The following EXOC2 variants were observed in gnomAD, a reference collection of about 807,000 sequenced individuals.
EXOC2 encodes SEC5-like 1.
In EXOC2, 70 loss-of-function variants were observed where a neutral mutation model predicts 131.8. The ratio of observed to expected loss-of-function variants is 0.53; its 90% CI spans 0.44 to 0.65. The LOEUF (loss-of-function observed/expected upper bound fraction) is 0.65. Ranked by LOEUF, EXOC2 falls within the 30% of genes least tolerant of loss-of-function variation. The pLI is 0.00. For missense variants in EXOC2, 923 were observed against 1,108.6 expected (o/e 0.83, Z 2.38); for synonymous variants, 411 against 398.4 (o/e 1.03, Z -0.38).
intron 4 of EXOC2, among the ~76,000 whole-genome samples, chr6:628,448 G>C (rs564524437): frequency 6.6e-6 from 1 of 152,222 alleles, no homozygotes; most frequent in African/African-American, 2.4e-5. Context: ...GAATAATAAA[G>C]AGATTCAAAG....
At chr6:531,090 C>A (rs942450435) in intron 23 of EXOC2, among the ~76,000 whole-genome samples, 5 of 152,138 alleles carry the variant, frequency 3.3e-5, no homozygotes, top group Non-Finnish European at 5.9e-5. Flanking sequence ...TGGGGTTAGC[C>A]TCAGGGAGAA....
In EXOC2 at chr6:583,477, T is replaced by C. The variant is rs34705619; in HGVS notation, c.1193-6595A>G. ...TCATTGTAAGGTGAATAGAATCTATTACAAAACAGGAGACACAAAAAAAAG... is the reference window on the plus strand; with the variant it reads ...TCATTGTAAGGTGAATAGAATCTATCACAAAACAGGAGACACAAAAAAAAG... On this transcript the variant is annotated intron_variant, in intron 11 of 27. Transcript: ENST00000230449. Among the ~76,000 whole-genome samples, 174 of 151,992 alleles carry C rather than the reference T, an allele frequency of 1.1e-3. 1 individual carries two copies. The highest frequency in any genetic ancestry group is 2.2e-3 in the Non-Finnish European group (150 of 68,012).
At chr6:513,259 AC>A (rs1162962672) in intron 23 of EXOC2, among the ~76,000 whole-genome samples, 1 of 152,254 alleles carries the variant, frequency 6.6e-6, no homozygotes, top group Admixed American at 6.5e-5. Context: ...CGGCGTGGTC[AC>A]CCACGGTTTA....
At chr6:574,628 G>A (rs1187337671) in intron 12 of EXOC2, among the ~76,000 whole-genome samples, 1 of 152,154 alleles carries the variant, frequency 6.6e-6, no homozygotes, top group Non-Finnish European at 1.5e-5. Context: ...TGAAAGGAAC[G>A]GTTCTTTACT....
At position 489,022 on chromosome 6, in the gene EXOC2, C is replaced by A. The variant is rs759824382; in HGVS notation, c.2638G>T (p.Ala880Ser). 6.2e-7 allele frequency: 1 copy of A among 1,613,924 alleles called. No homozygotes were observed. Among genetic ancestry groups the A allele is most frequent in the Non-Finnish European group, 8.5e-7 (1 of 1,179,898 alleles). ...TPESKSSFKQALEALPQLSSG... is the reference protein window; with the variant it reads ...TPESKSSFKQSLEALPQLSSG... ...GAAAGCTGGGGCAGGGCTTCCAAAG[C>A]CTGCTTAAAACTTGACCTGAAACAC... Residue 880 changes from alanine to serine, a missense_variant, in exon 27 of 28, where the codon GCT becomes TCT. Transcript: ENST00000230449.
rs372060687 is a variant in EXOC2 at position 616,466 on chromosome 6, A to G, written c.661+1245T>C. 3.2e-4 allele frequency among the ~76,000 whole-genome samples: 48 copies of G among 151,360 alleles called. 1 individual carries two copies. The East Asian group carries it at 4.4e-3, about 14-fold the overall frequency. ...AAAATACAAAAAATTAGCCGGGCGC[A>G]GTGGCGGGCGCCTGTAGTCCCAGCT... On this transcript the variant is annotated intron_variant, in intron 6 of 27. Coordinates refer to ENST00000230449, the MANE Select transcript of EXOC2 (RefSeq NM_018303.6).
intron 22 of EXOC2, among the ~76,000 whole-genome samples, chr6:543,395 T>C (rs948727248): frequency 3.3e-5 from 5 of 152,158 alleles, no homozygotes; most frequent in Non-Finnish European, 7.3e-5. Flanking sequence ...CACTTATATG[T>C]GGAATCTACA....
At chr6:575,119 T>G (rs1420321758) in intron 12 of EXOC2, among the ~76,000 whole-genome samples, 4 of 152,250 alleles carry the variant, frequency 2.6e-5, no homozygotes, top group Non-Finnish European at 5.9e-5. Flanking sequence ...CGTGAATGGC[T>G]TGGTGTCCTT....
rs747444200 is a variant in EXOC2, at chr6:576,853, C to T, written c.1222G>A (p.Asp408Asn). Reference protein sequence around the residue: ...GNPGLHSPMLDLDNDTRPSVL... With the variant: ...GNPGLHSPMLNLDNDTRPSVL... ...GAGGGACGTGTATCATTATCAAGAT[C>T]CAACATGGGACTGTGCAGGCCTGGG... The change falls in exon 12 of 28, where the codon GAT becomes AAT. Residue 408 changes from aspartate to asparagine, a missense_variant. Asp to Asn is a conservative substitution (Grantham distance 23, BLOSUM62 1). Coordinates refer to ENST00000230449, the MANE Select transcript of EXOC2 (RefSeq NM_018303.6). 1.6e-5 allele frequency: 26 copies of T among 1,614,018 alleles called. No individual in the cohort carries two copies. The highest frequency in any genetic ancestry group is 2.2e-5 in the Non-Finnish European group (26 of 1,179,988).
chr6:546,999 T>C (rs1377140239), intron 22 of EXOC2, among the ~76,000 whole-genome samples: 2 of 152,238 alleles, frequency 1.3e-5, no homozygotes, highest in Non-Finnish European at 2.9e-5. Context: ...GGATTTAGAA[T>C]GAGAAAATGT....
At chr6:580,723 T>C (rs1758844603) in intron 11 of EXOC2, among the ~76,000 whole-genome samples, 1 of 152,158 alleles carries the variant, frequency 6.6e-6, no homozygotes, top group Non-Finnish European at 1.5e-5. Flanking sequence ...AAAATATACC[T>C]GTAAAGATTA....
intron 11 of EXOC2, among the ~76,000 whole-genome samples, chr6:580,747 T>C (rs531330189): frequency 2.6e-5 from 4 of 152,278 alleles, no homozygotes; most frequent in South Asian, 2.1e-4. Flanking sequence ...CTTTATACTA[T>C]GCAATTCTAA....
At chr6:593,672 T>C (rs1460993844) in intron 10 of EXOC2, among the ~76,000 whole-genome samples, 2 of 152,250 alleles carry the variant, frequency 1.3e-5, no homozygotes, top group Non-Finnish European at 2.9e-5. Flanking sequence ...AATGAATTTA[T>C]TGTCTTAAAA....
chr6:535,414 C>T (rs972162827), intron 22 of EXOC2, among the ~76,000 whole-genome samples: 2 of 151,784 alleles, frequency 1.3e-5, no homozygotes, highest in Non-Finnish European at 2.9e-5. Flanking sequence ...ACAACAGAAA[C>T]GATAAGCTCC....
rs1034778074 is a variant in EXOC2 at position 485,596 on chromosome 6, G to C, written c.*1075C>G. On this transcript the variant is annotated 3_prime_UTR_variant, in exon 28 of 28. Transcript: ENST00000230449. ...GGGAGTTGGGTGGGCCGCTGACTCT[G>C]AGAGAAGTCCCGGTGACCTGAACCT... The C allele has an allele frequency of 6.6e-6, 1 of 152,250 alleles. No homozygotes were observed. The highest frequency in any genetic ancestry group is 1.5e-5 in the Non-Finnish European group (1 of 68,044). 9.4% of individuals were successfully genotyped at this position (152,250 alleles called of 1,614,324 possible). A position where few individuals can be genotyped will look rare whatever the true frequency, so the allele number is the denominator to read the frequency against.
intron 11 of EXOC2, among the ~76,000 whole-genome samples, chr6:578,211 C>T (rs1301203431): frequency 1.3e-5 from 2 of 152,112 alleles, no homozygotes; most frequent in Non-Finnish European, 2.9e-5. Context: ...GAGTTGTTTT[C>T]AGGTGCTAAT....
intron 4 of EXOC2, among the ~76,000 whole-genome samples, chr6:621,060 A>G (rs557521332): frequency 1.1e-3 from 166 of 152,066 alleles, no homozygotes; most frequent in African/African-American, 3.7e-3. Flanking sequence ...TACCGCAGAC[A>G]CTCCCTGCTG....
chr6:572,327 G>A (rs1003433748), intron 13 of EXOC2, among the ~76,000 whole-genome samples, 193 bp downstream of exon 13: 1 of 152,126 alleles, frequency 6.6e-6, no homozygotes, highest in Non-Finnish European at 1.5e-5. Context: ...TTGTACATGA[G>A]GAAAAGTGAC....
At chr6:549,533 C>T (rs747383691) in intron 21 of EXOC2, among the ~76,000 whole-genome samples, 9 of 152,144 alleles carry the variant, frequency 5.9e-5, no homozygotes, top group Admixed American at 1.3e-4. Context: ...TCCTTTAAGA[C>T]TTAACAGCTT....
Sources: gnomAD v4.1 joint callset for allele counts (sites outside exome capture counted in the v4.1 genomes callset) on GRCh38, gnomAD v4.1.1 for gene constraint, MANE v1.5 for transcripts, NCBI Gene and HGNC (gene_info 2026-07-23, HGNC 2026-07-21) for gene names.